The following SMG6 variants were observed in gnomAD, a reference collection of about 807,000 sequenced individuals.
SMG6 encodes the protein SMG6 nonsense mediated mRNA decay factor.
Under a neutral mutation model 142.2 loss-of-function variants are expected in SMG6, and 66 were observed. That is an observed-to-expected ratio of 0.46 (90% CI 0.38 to 0.57). SMG6 has a LOEUF of 0.57. SMG6 is among the 20% of genes least tolerant of loss of function. SMG6 has a pLI of 0.00. For synonymous variants in SMG6, 779 were observed against 702.4 expected, an observed-to-expected ratio of 1.11 and a Z score of -1.72; for missense variants, 1,793 against 1,832.0, an observed-to-expected ratio of 0.98 and a Z score of 0.39.
intron 8 of SMG6, among the ~76,000 whole-genome samples, chr17:2,281,361 T>G (rs2074781560): frequency 6.6e-6 from 1 of 152,118 alleles, no homozygotes. Flanking sequence ...ATTCCTAGGC[T>G]CCAGCGAACC....
At chr17:2,160,185 T>C (rs568982049) in intron 13 of SMG6, among the ~76,000 whole-genome samples, 8 of 152,170 alleles carry the variant, frequency 5.3e-5, no homozygotes, top group African/African-American at 1.9e-4. Flanking sequence ...TATTAGTAAG[T>C]TGATTAATGA....
At chr17:2,150,730 T>C (rs2070801072) in intron 13 of SMG6, among the ~76,000 whole-genome samples, 1 of 152,240 alleles carries the variant, frequency 6.6e-6, no homozygotes, top group Non-Finnish European at 1.5e-5. Context: ...TCTCTGCCTA[T>C]ACAAAGTATG....
chr17:2,119,975 G>A lies in SMG6; in HGVS notation c.3358-34074C>T, dbSNP rs2069635370. 1.3e-5 allele frequency among the ~76,000 whole-genome samples: 2 copies of A among 151,596 alleles called. 1 individual carries two copies. Among genetic ancestry groups the A allele is most frequent in the South Asian group, 4.2e-4 (2 of 4,804 alleles). ...CTGCACCCGGCCATGTCCAGCTAAC[G>A]TCTTATATTTTTAGTAGAGAAACGG... On this transcript the variant is annotated intron_variant, in intron 13 of 18. Transcript: ENST00000263073.
rs745953824 is a variant in SMG6 at position 2,244,658 on chromosome 17, C to G, written c.2723G>C (p.Gly908Ala). The G allele has an allele frequency of 3.1e-6, 5 of 1,611,486 alleles. No homozygotes were observed. The highest frequency in any genetic ancestry group is 4.2e-6 in the Non-Finnish European group (5 of 1,177,620). Residue 908 changes from glycine to alanine, a missense_variant and splice_region_variant, in exon 9 of 19, where the codon GGG becomes GCG. By Grantham distance (60) the Gly-to-Ala change is moderately conservative (BLOSUM62 0). Coordinates refer to ENST00000263073, the MANE Select transcript of SMG6 (RefSeq NM_017575.5). ...HAHGKLFTRIGMETFPAVAEK... is the reference protein window; with the variant it reads ...HAHGKLFTRIAMETFPAVAEK... Reference sequence around the variant, plus strand: ...TAAAATAAACATCCTGCACACTTACCCAATCCGGGTAAACAGCTTCCCATG... The same window carrying G: ...TAAAATAAACATCCTGCACACTTACGCAATCCGGGTAAACAGCTTCCCATG...
At chr17:2,257,251 A>T (rs1258558503) in intron 8 of SMG6, among the ~76,000 whole-genome samples, 1 of 151,558 alleles carries the variant, frequency 6.6e-6, no homozygotes, top group Non-Finnish European at 1.5e-5. Context: ...ACACCCAGCT[A>T]ATTTTTGTAT....
At chr17:2,113,793 T>C (rs1307844890) in intron 13 of SMG6, among the ~76,000 whole-genome samples, 1 of 152,174 alleles carries the variant, frequency 6.6e-6, no homozygotes, top group Admixed American at 6.5e-5. Flanking sequence ...AGCATCTTCA[T>C]GAAATCACTA....
chr17:2,286,325 A>C (rs959886445), intron 6 of SMG6, among the ~76,000 whole-genome samples: 6 of 146,010 alleles, frequency 4.1e-5, no homozygotes, highest in Non-Finnish European at 6.0e-5. Flanking sequence ...AAAAAAAAAA[A>C]CGAAGTTAGG....
chr17:2,211,581 G>A (rs1056907379), intron 10 of SMG6, among the ~76,000 whole-genome samples: 8 of 151,488 alleles, frequency 5.3e-5, no homozygotes, highest in Admixed American at 4.6e-4. Flanking sequence ...GGAGAATGGC[G>A]TGAACCCGGG....
intron 13 of SMG6, among the ~76,000 whole-genome samples, chr17:2,117,473 A>G (rs1423224782): frequency 6.6e-6 from 1 of 152,240 alleles, no homozygotes; most frequent in Non-Finnish European, 1.5e-5. Context: ...GGATACATCA[A>G]TATACAAAAG....
intron 13 of SMG6, among the ~76,000 whole-genome samples, chr17:2,169,967 A>G (rs2071452909): frequency 6.6e-6 from 1 of 152,178 alleles, no homozygotes; most frequent in Non-Finnish European, 1.5e-5. Context: ...AGAAGACATT[A>G]CCTGCTGATG....
chr17:2,238,842 T>C (rs2073734504), intron 9 of SMG6, among the ~76,000 whole-genome samples: 2 of 152,042 alleles, frequency 1.3e-5, no homozygotes, highest in African/African-American at 4.8e-5. Context: ...AATTCTCCCT[T>C]TGCCTTCCAA....
chr17:2,196,646 A>T (rs1567675343), intron 10 of SMG6, among the ~76,000 whole-genome samples: 1 of 152,228 alleles, frequency 6.6e-6, no homozygotes, highest in South Asian at 2.1e-4. Flanking sequence ...GCTTATTCTA[A>T]AGCTTATCTG....
At chr17:2,104,709 G>A (rs2069107450) in intron 13 of SMG6, among the ~76,000 whole-genome samples, 1 of 152,106 alleles carries the variant, frequency 6.6e-6, no homozygotes, top group Non-Finnish European at 1.5e-5. Flanking sequence ...TAGGAATTAT[G>A]TTATTTCATT....
intron 6 of SMG6, among the ~76,000 whole-genome samples, chr17:2,289,078 C>CAAAAA (rs34494754): frequency 1.1e-5 from 1 of 87,970 alleles, no homozygotes; most frequent in African/African-American, 4.6e-5. Flanking sequence ...GACTCTGTCT[C>CAAAAA]AAAAAAAAAA....
At chr17:2,276,969 T>C (rs989299353) in intron 8 of SMG6, among the ~76,000 whole-genome samples, 1 of 151,064 alleles carries the variant, frequency 6.6e-6, no homozygotes, top group East Asian at 2.0e-4. Context: ...TTAGTAGAGA[T>C]GGGGTTTCTC....
chr17:2,177,302 C>G, intron 12 of SMG6, among the ~76,000 whole-genome samples: 1 of 152,110 alleles, frequency 6.6e-6, no homozygotes, highest in African/African-American at 2.4e-5. Flanking sequence ...ACCTTCTTGC[C>G]CAGAACTCAG....
At position 2,088,488 on chromosome 17, in the gene SMG6, T is replaced by C. The variant is rs1178905582; in HGVS notation, c.3358-2587A>G. ...GTTTCCTTGGGGATTGTGTCTGTCA[T>C]AGCTATTAGTTCCTTCTCTAGGACA... is the stretch of plus-strand genomic sequence containing the variant. On this transcript the variant is annotated intron_variant, in intron 13 of 18. Coordinates refer to ENST00000263073, the MANE Select transcript of SMG6 (RefSeq NM_017575.5). The C allele has an allele frequency of 1.2e-5, 12 of 985,342 alleles. No homozygotes were observed. The South Asian group carries it at 4.7e-4, about 39-fold the overall frequency. The allele number at this position is 985,342 out of a possible 1,614,324, so 61.0% of individuals were successfully genotyped here.
At chr17:2,147,376 G>C (rs2070701139) in intron 13 of SMG6, among the ~76,000 whole-genome samples, 1 of 152,048 alleles carries the variant, frequency 6.6e-6, no homozygotes, top group South Asian at 2.1e-4. Flanking sequence ...CTGGGTGACA[G>C]AGCAAGACTA....
intron 13 of SMG6, among the ~76,000 whole-genome samples, chr17:2,136,625 C>T (rs964831197): frequency 2.6e-5 from 4 of 152,038 alleles, no homozygotes; most frequent in Non-Finnish European, 5.9e-5. Flanking sequence ...AAGTCAAACT[C>T]AGGGAAAACT....
Sources: allele counts gnomAD v4.1 joint callset (sites outside exome capture counted in the v4.1 genomes callset), GRCh38; gene constraint gnomAD v4.1.1; transcripts MANE v1.5; gene names NCBI Gene and HGNC (gene_info 2026-07-23, HGNC 2026-07-21).